Variants in CDKN2A observed in about 807,000 individuals in gnomAD.
CDKN2A encodes cyclin-dependent kinase inhibitor 2A.
A neutral mutation model predicts 11.1 loss-of-function variants in CDKN2A; 3 were observed. The ratio of observed to expected loss-of-function variants is 0.27; its 90% confidence interval spans 0.12 to 0.70. The LOEUF is 0.70. Ranked by LOEUF, CDKN2A falls within the 30% of genes least tolerant of loss-of-function variation. CDKN2A has a pLI of 0.77. For synonymous variants in CDKN2A, 122 were observed against 108.1 expected, an observed-to-expected ratio of 1.13 and a Z score of -0.80; for missense variants, 265 against 233.6, an observed-to-expected ratio of 1.13 and a Z score of -0.88.
intron 1 of CDKN2A, among the ~76,000 whole-genome samples, chr9:21,971,646 C>A (rs891137985): frequency 7.2e-6 from 1 of 138,460 alleles, no homozygotes; most frequent in Non-Finnish European, 1.5e-5. Context: ...AAAGAGAAAA[C>A]TTGTTTGTTT....
At chr9:21,980,884 G>C (rs1162586573) in intron 2 of CDKN2A, among the ~76,000 whole-genome samples, 1 of 144,748 alleles carries the variant, frequency 6.9e-6, no homozygotes, top group Non-Finnish European at 1.5e-5. Context: ...GCGTGAACCC[G>C]GGGGGCGGAG....
chr9:21,978,426 T>G (rs1410043088), upstream of CDKN2A, among the ~76,000 whole-genome samples: 4 of 152,156 alleles, frequency 2.6e-5, no homozygotes, highest in Non-Finnish European at 5.9e-5. Flanking sequence ...GTCCTGGATC[T>G]CTGTGCTCCT....
chr9:21,994,581 A>C, intron 1 of CDKN2A: 3 of 889,594 alleles, frequency 3.4e-6, no homozygotes, highest in East Asian at 3.6e-5. Context: ...AGCCCTGCGC[A>C]CGCGGGAAGG....
At position 21,971,185 on chromosome 9, in the gene CDKN2A, T is replaced by C. The variant is rs201208890; in HGVS notation, c.174A>G (p.Arg58=). 1 of 1,597,292 alleles carries C rather than the reference T, an allele frequency of 6.3e-7. No individual in the cohort carries two copies. Among genetic ancestry groups the C allele is most frequent in the Non-Finnish European group, 8.5e-7 (1 of 1,178,760 alleles). ...PIQVMMMGSA[R]VAELLLLHGA... ...CGTGGAGCAGCAGCAGCTCCGCCAC[T>C]CGGGCGCTGCCCATCATCATGACCT... The change falls in exon 2 of 3, where the codon CGA becomes CGG. Residue 58 remains arginine, a synonymous_variant. Transcript: ENST00000304494.
Position 21,974,476 on chromosome 9 carries a change from C to T in CDKN2A, c.150+202G>A, listed in dbSNP as rs768877674. Reference sequence around the variant, plus strand: ...CGAGAGATCTGTACGCGCGTGGCTCCTCATTCCTCTTCCTTGGCTTCCCAA... The same window carrying T: ...CGAGAGATCTGTACGCGCGTGGCTCTTCATTCCTCTTCCTTGGCTTCCCAA... On this transcript the variant is annotated intron_variant, in intron 1 of 2. Transcript: ENST00000304494. The surrounding 1 kb of genome is among the most constrained non-coding windows in gnomAD (Gnocchi z 5.2). 10 of 1,612,824 alleles carry T rather than the reference C, an allele frequency of 6.2e-6. No individual in the cohort carries two copies. The East Asian group carries it at 1.3e-4, about 22-fold the overall frequency.
chr9:21,992,138 A>T (rs1303766961), intron 2 of CDKN2A: 2 of 818,824 alleles, frequency 2.4e-6, no homozygotes, highest in African/African-American at 1.9e-5. Flanking sequence ...GCAGAAACTT[A>T]AAAAAAGTTA....
At chr9:21,983,253 A>G (rs376628614) in intron 2 of CDKN2A, among the ~76,000 whole-genome samples, 191 of 152,242 alleles carry the variant, frequency 1.3e-3, no homozygotes, top group African/African-American at 4.5e-3. Context: ...ATATTTAAAA[A>G]TAATTAAGGA....
In CDKN2A at chr9:21,974,464, C is replaced by T. The variant is rs189126115; in HGVS notation, c.150+214G>A. ...CTTCTCAGCATTCGAGAGATCTGTA[C>T]GCGCGTGGCTCCTCATTCCTCTTCC... On this transcript the variant is annotated intron_variant, in intron 1 of 2. Transcript: ENST00000304494. The surrounding 1 kb of genome is among the most constrained non-coding windows in gnomAD (Gnocchi z 5.2). 16 of 1,605,930 alleles carry T rather than the reference C, an allele frequency of 1.0e-5. No homozygotes were observed. The highest frequency in any genetic ancestry group is 4.3e-5 in the African/African-American group (3 of 70,074).
rs780425629 is a variant in CDKN2A at position 21,994,144 on chromosome 9, C to A, written c.-175-91G>T. On this transcript the variant is annotated intron_variant, in intron 1 of 3. Coordinates refer to the CDKN2A transcript ENST00000494262. ...TTTTCGAGGGCCTTTCCTACCTGGT[C>A]TTCTAGGAAGCGGCTGCTGCCCTAG... is the stretch of plus-strand genomic sequence containing the variant. 1 of 1,601,344 alleles carries A rather than the reference C, an allele frequency of 6.2e-7. No homozygotes were observed. Among genetic ancestry groups the A allele is most frequent in the Non-Finnish European group, 8.5e-7 (1 of 1,179,850 alleles).
rs184635934 is a variant in CDKN2A at position 21,973,121 on chromosome 9, G to A, written c.150+1557C>T. Among the ~76,000 whole-genome samples the A allele has an allele frequency of 2.5e-3, 387 of 152,152 alleles. 2 individuals are homozygous for A. Among genetic ancestry groups the A allele is most frequent in the Admixed American group, 6.6e-3 (101 of 15,278 alleles). ...TTTTGTGTATTCAATGAAGTCCTTCGTCTTGGTCATAAAACTAGCCTTAAA... is the reference window on the plus strand; with the variant it reads ...TTTTGTGTATTCAATGAAGTCCTTCATCTTGGTCATAAAACTAGCCTTAAA... On this transcript the variant is annotated intron_variant, in intron 1 of 2. Coordinates refer to ENST00000304494, the MANE Select transcript of CDKN2A (RefSeq NM_000077.5).
chr9:21,989,349 CTACT>C (rs1273296916), intron 2 of CDKN2A: 2 of 152,102 alleles, frequency 1.3e-5, no homozygotes, highest in African/African-American at 2.4e-5. Context: ...GTTTTAATAG[CTACT>C]TACTTTTTTT....
upstream of CDKN2A, among the ~76,000 whole-genome samples, chr9:21,977,487 T>G (rs995834126): frequency 2.0e-5 from 3 of 152,196 alleles, no homozygotes; most frequent in Non-Finnish European, 4.4e-5. Context: ...TGCCTCAGCC[T>G]CCCGAGTAGC....
chr9:21,974,866 C>T (rs1377342993), upstream of CDKN2A: 1 of 1,493,326 alleles, frequency 6.7e-7, no homozygotes, highest in Non-Finnish European at 8.9e-7. The surrounding 1 kb of genome is among the most constrained non-coding windows in gnomAD (Gnocchi z 5.2). Flanking sequence ...TCCCCCTCTC[C>T]GCAGCCGCCG....
chr9:21,981,745 C>T (rs1820203386), intron 2 of CDKN2A, among the ~76,000 whole-genome samples: 1 of 151,876 alleles, frequency 6.6e-6, no homozygotes, highest in Admixed American at 6.6e-5. Flanking sequence ...CCTGAAGCTG[C>T]CCCGGATAAA....
chr9:21,971,797 A>C (rs1177660180), intron 1 of CDKN2A, among the ~76,000 whole-genome samples: 1 of 152,088 alleles, frequency 6.6e-6, no homozygotes, highest in Non-Finnish European at 1.5e-5. Flanking sequence ...TACAATATGA[A>C]GTTATGATCT....
chr9:21,975,283 C>G (rs1819993527), upstream of CDKN2A: 2 of 447,712 alleles, frequency 4.5e-6, no homozygotes, highest in Non-Finnish European at 5.9e-6. Context: ...AGAAATCCGC[C>G]CCCGCCCCGT....
At chr9:21,980,086 G>A (rs560272929) in intron 2 of CDKN2A, among the ~76,000 whole-genome samples, 3 of 151,898 alleles carry the variant, frequency 2.0e-5, no homozygotes, top group Admixed American at 2.0e-4. Flanking sequence ...AGGGAGTTGA[G>A]GCAATAGCTC....
intron 2 of CDKN2A, among the ~76,000 whole-genome samples, chr9:21,985,086 T>A (rs1820271167): frequency 6.6e-6 from 1 of 152,020 alleles, no homozygotes; most frequent in African/African-American, 2.4e-5. Context: ...TTTAGCACTT[T>A]TCACATACAG....
Position 21,974,711 on chromosome 9 carries a change from G to T in CDKN2A, c.117C>A (p.Asn39Lys), listed in dbSNP as rs864622439. The change falls in exon 1 of 3, where the codon AAC becomes AAA. Residue 39 changes from asparagine to lysine, a missense_variant. Transcript: ENST00000304494. The surrounding 1 kb of genome is among the most constrained non-coding windows in gnomAD (Gnocchi z 5.2). ...GCCTCCGACCGTAACTATTCGGTGC[G>T]TTGGGCAGCGCCCCCGCCTCCAGCA... ...RALLEAGALP[N>K]APNSYGRRPI... 1 of 1,612,250 alleles carries T rather than the reference G, an allele frequency of 6.2e-7. No homozygotes were observed. The highest frequency in any genetic ancestry group is 1.1e-5 in the South Asian group (1 of 91,080).
Sources: gnomAD v4.1 joint callset for allele counts (sites outside exome capture counted in the v4.1 genomes callset) on GRCh38, gnomAD v4.1.1 for gene constraint, Gnocchi (gnomAD v3.1) non-coding constraint, MANE v1.5 for transcripts, NCBI Gene and HGNC (gene_info 2026-07-23, HGNC 2026-07-21) for gene names.